The following CSMD3 variants were observed in gnomAD, a reference collection of about 807,000 sequenced individuals.
CSMD3 encodes CUB and sushi domain-containing protein 3.
CSMD3 carries 177 observed loss-of-function variants against 435.2 expected under a neutral mutation model. That is an observed-to-expected ratio of 0.41 (90% CI 0.36 to 0.46). The LOEUF (loss-of-function observed/expected upper bound fraction) is 0.46. Among genes scored for constraint, CSMD3 ranks in the 20% least tolerant of loss-of-function variants. CSMD3 has a pLI of 0.34. For synonymous variants in CSMD3, 1,656 were observed against 1,520.5 expected (o/e 1.09, Z -2.07); for missense variants, 4,265 against 4,504.6 (o/e 0.95, Z 1.52).
intron 32 of CSMD3, among the ~76,000 whole-genome samples, chr8:112,453,873 C>A (rs1429839343): frequency 1.3e-5 from 2 of 152,128 alleles, no homozygotes; most frequent in East Asian, 3.9e-4. Context: ...TCCTATAAGG[C>A]TACGGTAACC....
intron 13 of CSMD3, among the ~76,000 whole-genome samples, chr8:112,773,224 A>T (rs1355438351): frequency 6.6e-6 from 1 of 152,108 alleles, no homozygotes; most frequent in Non-Finnish European, 1.5e-5. Context: ...AGTAGCTGAC[A>T]TGGAAGAGAA....
At chr8:112,945,588 A>ATGTG (rs10574750) in intron 9 of CSMD3, among the ~76,000 whole-genome samples, 9,836 of 140,578 alleles carry the variant, frequency 0.07, 360 homozygotes, top group South Asian at 0.14. Context: ...ATACAGAAAT[A>ATGTG]TGTGTGTGTG....
chr8:113,156,732 C>CTAAATAAA (rs34302914), intron 4 of CSMD3, among the ~76,000 whole-genome samples: 3,130 of 105,690 alleles, frequency 0.03, 46 homozygotes, highest in Non-Finnish European at 0.04. Flanking sequence ...AAAATCTCAC[C>CTAAATAAA]TAAATAAATA....
At chr8:113,319,672 CA>C (rs889459829) in intron 1 of CSMD3, among the ~76,000 whole-genome samples, 2 of 151,028 alleles carry the variant, frequency 1.3e-5, no homozygotes, top group South Asian at 4.2e-4. Flanking sequence ...TTTTGCAAGG[CA>C]AAAAAAAGTT....
intron 58 of CSMD3, among the ~76,000 whole-genome samples, chr8:112,282,850 T>A (rs1586645972): frequency 6.6e-6 from 1 of 152,244 alleles, no homozygotes; most frequent in Admixed American, 6.5e-5. Context: ...AAAAATGATT[T>A]ATTGTTGCCT....
intron 6 of CSMD3, among the ~76,000 whole-genome samples, chr8:112,982,056 A>G (rs566608902): frequency 1.1e-4 from 16 of 151,990 alleles, no homozygotes; most frequent in Admixed American, 1.1e-3. Context: ...TCTCTCTCTC[A>G]AAAGATCGTT....
chr8:113,334,682 T>C (rs187188364), intron 1 of CSMD3, among the ~76,000 whole-genome samples: 6 of 152,196 alleles, frequency 3.9e-5, no homozygotes, highest in Non-Finnish European at 5.9e-5. Context: ...CGAAACCATC[T>C]GGGTCAGGAG....
intron 13 of CSMD3, among the ~76,000 whole-genome samples, chr8:112,738,385 C>T (rs2077231397): frequency 1.3e-5 from 2 of 151,610 alleles, no homozygotes; most frequent in South Asian, 4.2e-4. Flanking sequence ...AAAACAAAAT[C>T]AGATATGAAA....
At chr8:113,287,713 C>T (rs1443200252) in intron 2 of CSMD3, among the ~76,000 whole-genome samples, 3 of 151,796 alleles carry the variant, frequency 2.0e-5, no homozygotes, top group South Asian at 2.1e-4. Context: ...CAGGTAGGTA[C>T]GGGGACTTCA....
intron 13 of CSMD3, among the ~76,000 whole-genome samples, chr8:112,754,930 C>T (rs1326843926): frequency 6.6e-6 from 1 of 152,192 alleles, no homozygotes; most frequent in African/African-American, 2.4e-5. Flanking sequence ...TTAGCAATTA[C>T]TGTTAGTTCC....
intron 13 of CSMD3, among the ~76,000 whole-genome samples, chr8:112,750,012 A>C (rs2077530340): frequency 6.6e-6 from 1 of 152,082 alleles, no homozygotes; most frequent in South Asian, 2.1e-4. Context: ...ATCTGCGAGT[A>C]TGTTGAATGG....
intron 10 of CSMD3, among the ~76,000 whole-genome samples, chr8:112,868,309 C>T (rs973832659): frequency 6.6e-6 from 1 of 152,036 alleles, no homozygotes; most frequent in Non-Finnish European, 1.5e-5. Context: ...AGTACACTTT[C>T]TTTTTAAGCA....
intron 42 of CSMD3, among the ~76,000 whole-genome samples, chr8:112,340,753 A>G (rs565532269): frequency 1.3e-5 from 2 of 152,306 alleles, no homozygotes; most frequent in African/African-American, 4.8e-5. Flanking sequence ...AATTACTAAA[A>G]ATATACATCA....
chr8:113,289,331 G>A (rs2093668349), intron 2 of CSMD3, among the ~76,000 whole-genome samples: 1 of 151,562 alleles, frequency 6.6e-6, no homozygotes, highest in African/African-American at 2.4e-5. Flanking sequence ...GGAGTATTTG[G>A]GATAAATGTA....
At chr8:112,505,909 T>C (rs924607281) in intron 29 of CSMD3, among the ~76,000 whole-genome samples, 13 of 152,090 alleles carry the variant, frequency 8.5e-5, no homozygotes, top group Non-Finnish European at 1.5e-4. Flanking sequence ...ATGCACTTCA[T>C]GTAATATGTC....
At chr8:113,021,813 T>C (rs10108312) in intron 5 of CSMD3, among the ~76,000 whole-genome samples, 102,365 of 151,940 alleles carry the variant, frequency 0.67, 36,081 homozygotes, top group East Asian at 0.95. Context: ...TAGGGAGAAG[T>C]AGAATGTGCA....
At chr8:112,649,972 T>C (rs2075082741) in intron 19 of CSMD3, among the ~76,000 whole-genome samples, 189 bp downstream of exon 19, 1 of 152,166 alleles carries the variant, frequency 6.6e-6, no homozygotes, top group African/African-American at 2.4e-5. Flanking sequence ...TCTTTAGGCA[T>C]GGAGTAAGTT....
intron 41 of CSMD3, among the ~76,000 whole-genome samples, chr8:112,342,668 CT>C (rs1825235780): frequency 6.6e-6 from 1 of 151,938 alleles, no homozygotes; most frequent in African/African-American, 2.4e-5. Context: ...GACTCTTAAG[CT>C]TATGATATTA....
chr8:113,296,285 T>TA (rs1218639115), intron 2 of CSMD3, among the ~76,000 whole-genome samples: 2 of 88,396 alleles, frequency 2.3e-5, no homozygotes, highest in African/African-American at 7.3e-5. Flanking sequence ...ACCCTAGAAC[T>TA]TAAAGTATAA....
Sources: allele counts gnomAD v4.1 joint callset (sites outside exome capture counted in the v4.1 genomes callset), GRCh38; gene constraint gnomAD v4.1.1; transcripts MANE v1.5; gene names NCBI Gene and HGNC (gene_info 2026-07-23, HGNC 2026-07-21).